BIN1: variants seen among roughly 807,000 people sequenced by gnomAD.
BIN1 encodes the protein bridging integrator 1, also known as myc box-dependent-interacting protein 1.
BIN1 carries 53 observed loss-of-function variants against 82.0 expected under a neutral mutation model. That is an observed-to-expected ratio of 0.65 (90% CI 0.52 to 0.81). The LOEUF (loss-of-function observed/expected upper bound fraction) is 0.81, where lower values mean the gene tolerates loss of function less well. BIN1 is among the 40% of genes least tolerant of loss of function. BIN1 has a pLI of 0.00. For synonymous variants in BIN1, 302 were observed against 328.0 expected, an observed-to-expected ratio of 0.92 and a Z score of 0.86; for missense variants, 642 against 784.4, an observed-to-expected ratio of 0.82 and a Z score of 2.17.
intron 10 of BIN1, chr2:127,060,791 TGGGCGTG>T: frequency 9.4e-7 from 1 of 1,066,812 alleles, no homozygotes; most frequent in Non-Finnish European, 1.4e-6. Flanking sequence ...GCACAGGGCC[TGGGCGTG>T]CTATCCCGGG....
At chr2:127,069,194 C>A (rs979159966) in intron 5 of BIN1, among the ~76,000 whole-genome samples, 163 bp from the exon 6 acceptor site, 1 of 152,194 alleles carries the variant, frequency 6.6e-6, no homozygotes, top group Non-Finnish European at 1.5e-5. Flanking sequence ...GAGAGCTCAC[C>A]CCCTCCTGGC....
Position 127,093,123 on chromosome 2 carries a change from G to A in BIN1, c.84+13737C>T, listed in dbSNP as rs942713627. Among the ~76,000 whole-genome samples, 8 of 152,202 alleles carry A rather than the reference G, an allele frequency of 5.3e-5. No homozygotes were observed. The South Asian group carries it at 6.2e-4, about 12-fold the overall frequency. ...GAGAGAGGGGTCAGGGAGGGAGGGC[G>A]GAAGGGGAAGTGGGGGCTTACAGTA... is the stretch of plus-strand genomic sequence containing the variant. On this transcript the variant is annotated intron_variant, in intron 1 of 18. Transcript: ENST00000316724. This position sits in a 1 kb window ranked among gnomAD's most constrained non-coding sequence, Gnocchi z 5.7.
At chr2:127,060,279 C>T (rs1366393060) in intron 10 of BIN1, among the ~76,000 whole-genome samples, 1 of 152,246 alleles carries the variant, frequency 6.6e-6, no homozygotes, top group East Asian at 1.9e-4. Context: ...AGTGTCACCT[C>T]CCTGGCCCTC....
Position 127,050,748 on chromosome 2 carries a change from C to G in BIN1, c.1572+54G>C, listed in dbSNP as rs1449884623. The G allele has an allele frequency of 2.6e-6, 4 of 1,565,822 alleles. No homozygotes were observed. In the African/African-American group the frequency reaches 5.4e-5, roughly 21 times the overall value. On this transcript the variant is annotated intron_variant, in intron 17 of 18. Transcript: ENST00000316724. ...AGAGTCTCCTGAGGCTCAGGGTTCT[C>G]ATCTGCCCACCAGGGCACCGAGGGA...
intron 12 of BIN1, chr2:127,055,318 C>T (rs1348859539): frequency 6.6e-6 from 1 of 152,346 alleles, no homozygotes; most frequent in Non-Finnish European, 1.5e-5. Context: ...TGTCCTGCAG[C>T]TCAGGGGACA....
intron 1 of BIN1, 70 bp downstream of exon 1, chr2:127,106,790 T>A (rs181585037): frequency 6.6e-7 from 1 of 1,524,136 alleles, no homozygotes; most frequent in Non-Finnish European, 8.8e-7. Flanking sequence ...GGTCGGAGGA[T>A]AGGGGGACAG....
chr2:127,050,197 A>C (rs1313418009), intron 18 of BIN1, among the ~76,000 whole-genome samples: 1 of 152,180 alleles, frequency 6.6e-6, no homozygotes, highest in African/African-American at 2.4e-5. Context: ...GTATGGGGAC[A>C]GGGAGAGAGA....
At chr2:127,065,714 A>G (rs1470570029) in intron 7 of BIN1, among the ~76,000 whole-genome samples, 1 of 152,196 alleles carries the variant, frequency 6.6e-6, no homozygotes, top group African/African-American at 2.4e-5. Context: ...CAGTGAAGAC[A>G]GCACCGCAGC....
intron 1 of BIN1, among the ~76,000 whole-genome samples, chr2:127,084,018 G>A (rs1270182092): frequency 1.3e-5 from 2 of 152,176 alleles, no homozygotes; most frequent in East Asian, 1.9e-4. Context: ...GGACAATCAC[G>A]GTCACTGTGG....
At chr2:127,104,455 G>A (rs1159642626) in intron 1 of BIN1, among the ~76,000 whole-genome samples, 1 of 152,166 alleles carries the variant, frequency 6.6e-6, no homozygotes, top group African/African-American at 2.4e-5. Context: ...GAAGGCCGGG[G>A]GTGAAGGGTG....
chr2:127,098,395 G>A (rs928100199), intron 1 of BIN1, among the ~76,000 whole-genome samples: 3 of 152,140 alleles, frequency 2.0e-5, no homozygotes, highest in Admixed American at 6.5e-5. Flanking sequence ...CAGACACTGC[G>A]GCCTTCACAC....
At chr2:127,083,542 T>C (rs1372877897) in intron 1 of BIN1, among the ~76,000 whole-genome samples, 4 of 152,208 alleles carry the variant, frequency 2.6e-5, no homozygotes, top group Non-Finnish European at 5.9e-5. Context: ...AAAATGCCCA[T>C]GATACCATAA....
chr2:127,105,458 G>T (rs1244698612), intron 1 of BIN1, among the ~76,000 whole-genome samples: 1 of 130,290 alleles, frequency 7.7e-6, no homozygotes, highest in African/African-American at 2.8e-5. Flanking sequence ...CTATTCCTGG[G>T]GCTTTAATCC....
chr2:127,101,088 C>T (rs1680292001), intron 1 of BIN1, among the ~76,000 whole-genome samples: 1 of 149,080 alleles, frequency 6.7e-6, no homozygotes, highest in Non-Finnish European at 1.5e-5. Context: ...TACAAGTGGC[C>T]CTGGGCAGCA....
Position 127,057,861 on chromosome 2 carries a change from A to T in BIN1, c.1003-260T>A, listed in dbSNP as rs185415161. Among the ~76,000 whole-genome samples, 234 of 145,464 alleles carry T rather than the reference A, an allele frequency of 1.6e-3. 2 individuals carry two copies. Among genetic ancestry groups the T allele is most frequent in the Non-Finnish European group, 2.8e-3 (187 of 66,828 alleles). ...CTGTGTGGAGAGAGAAGAGATAGAG[A>T]AGTGAGGGGAGAGGAGGAAGGAGAG... On this transcript the variant is annotated intron_variant, in intron 11 of 18. Coordinates refer to ENST00000316724, the MANE Select transcript of BIN1 (RefSeq NM_139343.3). This position sits in a 1 kb window ranked among gnomAD's most constrained non-coding sequence, Gnocchi z 5.0.
Position 127,076,652 on chromosome 2 carries a change from A to C in BIN1, c.139T>G (p.Cys47Gly). The part of the protein sequence containing the change: ...DETKDEQFEQ[C>G]VQNFNKQLTE... ...AGCTGCTTGTTGAAATTCTGGACGCACTGCTCAAACTGCTCATCCTTGGTC... is the reference window on the plus strand; with the variant it reads ...AGCTGCTTGTTGAAATTCTGGACGCCCTGCTCAAACTGCTCATCCTTGGTC... Residue 47 changes from cysteine to glycine, a missense_variant, in exon 2 of 19, where the codon TGC becomes GGC. Transcript: ENST00000316724. 2 of 1,614,154 alleles carry C rather than the reference A, an allele frequency of 1.2e-6. No homozygotes were observed. Among genetic ancestry groups the C allele is most frequent in the Non-Finnish European group, 1.7e-6 (2 of 1,180,040 alleles).
At chr2:127,065,246 C>T (rs1285577321) in intron 7 of BIN1, among the ~76,000 whole-genome samples, 2 of 151,778 alleles carry the variant, frequency 1.3e-5, no homozygotes, top group African/African-American at 4.8e-5. Flanking sequence ...CTAGAGTGGG[C>T]GTGGGCTCCT....
chr2:127,057,387 G>C lies in BIN1; in HGVS notation c.1131+86C>G. On this transcript the variant is annotated intron_variant, in intron 12 of 18. Coordinates refer to ENST00000316724, the MANE Select transcript of BIN1 (RefSeq NM_139343.3). This position sits in a 1 kb window ranked among gnomAD's most constrained non-coding sequence, Gnocchi z 5.0. ...CTCTCTGGCCAGATTCCTGGCTCTT[G>C]AGACAGAAGCATAGAGGATGAAGGC... 4.9e-6 allele frequency: 7 copies of C among 1,426,948 alleles called. No homozygotes were observed. The highest frequency in any genetic ancestry group is 5.5e-6 in the Non-Finnish European group (6 of 1,084,324). 88.4% of individuals were successfully genotyped at this position (1,426,948 alleles called of 1,614,324 possible).
chr2:127,087,220 T>C (rs556952010), intron 1 of BIN1, among the ~76,000 whole-genome samples: 137 of 152,256 alleles, frequency 9.0e-4, no homozygotes, highest in Admixed American at 2.0e-3. Context: ...AGGTCCTGTC[T>C]GCATCAGAGC....
Sources: allele counts gnomAD v4.1 joint callset (sites outside exome capture counted in the v4.1 genomes callset), GRCh38; gene constraint gnomAD v4.1.1; non-coding constraint Gnocchi (gnomAD v3.1); transcripts MANE v1.5; gene names NCBI Gene and HGNC (gene_info 2026-07-23, HGNC 2026-07-21).